The following DLL4 variants were observed in gnomAD, a reference collection of about 807,000 sequenced individuals.
The protein encoded by DLL4 is delta-like protein 4.
DLL4 carries 7 observed loss-of-function variants against 73.6 expected under a neutral mutation model. The observed-to-expected ratio is 0.10, with a 90% CI of 0.05 to 0.18. DLL4 has a LOEUF of 0.18. DLL4 is among the 10% of genes least tolerant of loss of function. The pLI is 1.00. For synonymous variants in DLL4, 345 were observed against 374.3 expected, an observed-to-expected ratio of 0.92 and a Z score of 0.90; for missense variants, 614 against 929.9, an observed-to-expected ratio of 0.66 and a Z score of 4.42.
In DLL4 at chr15:40,933,268, T is replaced by TTGTGTGTGTGTGTTTGTG. The variant is rs1555392986; in HGVS notation, c.850+834_850+835insTTGTGTGTGTGTGTGTGT. Among the ~76,000 whole-genome samples the TTGTGTGTGTGTGTTTGTG allele has an allele frequency of 4.1e-5, 6 of 147,342 alleles. No homozygotes were observed. In the East Asian group the frequency reaches 1.2e-3, roughly 30 times the overall value. On this transcript the variant is annotated intron_variant, in intron 6 of 10. Coordinates refer to ENST00000249749, the MANE Select transcript of DLL4 (RefSeq NM_019074.4). ...AGGGGCTTGGGATTCAGTCCCTGTG[T>TTGTGTGTGTGTGTTTGTG]TGTGTGTGTGTGTGTGTGTGTGTGT...
At chr15:40,931,098 C>G (rs1214598886) in intron 3 of DLL4, 3 of 373,966 alleles carry the variant, frequency 8.0e-6, no homozygotes, top group Non-Finnish European at 1.5e-5. Context: ...CATTACCCAC[C>G]TCTGGAGGCA....
At chr15:40,934,413 A>G in intron 6 of DLL4, 135 bp from the exon 7 acceptor site, 2 of 683,412 alleles carry the variant, frequency 2.9e-6, no homozygotes, top group Middle Eastern at 3.5e-4. Flanking sequence ...GTGGTGGAGG[A>G]AGGATGTTTG....
At position 40,930,417 on chromosome 15, in the gene DLL4, C is replaced by T; in HGVS notation, c.337-208C>T. The stretch of plus-strand genomic sequence containing the variant: ...TCCTCCAGTGGCTCTCCCTTACACT[C>T]TCCCGTCTCTCAACCCTCCCTCTAC... On this transcript the variant is annotated intron_variant, in intron 2 of 10. Transcript: ENST00000249749. This position sits in a 1 kb window ranked among gnomAD's most constrained non-coding sequence, Gnocchi z 5.7. 1.6e-6 allele frequency: 1 copy of T among 644,460 alleles called. No homozygotes were observed. The highest frequency in any genetic ancestry group is 2.8e-6 in the Non-Finnish European group (1 of 357,120). 39.9% of individuals were successfully genotyped at this position (644,460 alleles called of 1,614,324 possible). A position where few individuals can be genotyped will look rare whatever the true frequency, so the allele number is the denominator to read the frequency against.
Position 40,930,997 on chromosome 15 carries a change from G to C in DLL4, c.394+315G>C, listed in dbSNP as rs530969265. ...CGCGAATTCCGCTCCTTTGGAAAGG[G>C]AATAATGGCTTTGGGATGTTGTTCT... On this transcript the variant is annotated intron_variant, in intron 3 of 10. Transcript: ENST00000249749. This position sits in a 1 kb window ranked among gnomAD's most constrained non-coding sequence, Gnocchi z 5.7. 2.0e-6 allele frequency: 1 copy of C among 499,132 alleles called. No individual in the cohort carries two copies. The highest frequency in any genetic ancestry group is 1.9e-5 in the African/African-American group (1 of 51,674). The allele number at this position is 499,132 out of a possible 1,614,324, so 30.9% of individuals were successfully genotyped here. A position where few individuals can be genotyped will look rare whatever the true frequency, so the allele number is the denominator to read the frequency against.
rs573941360 is a variant in DLL4 at position 40,930,258 on chromosome 15, C to G, written c.336+142C>G. 4.8e-6 allele frequency: 5 copies of G among 1,049,122 alleles called. No homozygotes were observed. In the East Asian group the frequency reaches 1.0e-4, roughly 22 times the overall value. The allele number at this position is 1,049,122 out of a possible 1,614,324, so 65.0% of individuals were successfully genotyped here. A position where few individuals can be genotyped will look rare whatever the true frequency, so the allele number is the denominator to read the frequency against. ...GGATGCATTCTTTCCTGGCTCTTCC[C>G]GACTCTCTCCTGAGACTGATCCCAG... is the stretch of plus-strand genomic sequence containing the variant. On this transcript the variant is annotated intron_variant, in intron 2 of 10. Coordinates refer to ENST00000249749, the MANE Select transcript of DLL4 (RefSeq NM_019074.4). The surrounding 1 kb of genome is among the most constrained non-coding windows in gnomAD (Gnocchi z 5.7).
chr15:40,930,970 T>G lies in DLL4; in HGVS notation c.394+288T>G, dbSNP rs1892761577. On this transcript the variant is annotated intron_variant, in intron 3 of 10. Coordinates refer to ENST00000249749, the MANE Select transcript of DLL4 (RefSeq NM_019074.4). The surrounding 1 kb of genome is among the most constrained non-coding windows in gnomAD (Gnocchi z 5.7). ...GGGCCCCTTCCTGTATTTTACACCTTTCGCGAATTCCGCTCCTTTGGAAAG... is the reference window on the plus strand; with the variant it reads ...GGGCCCCTTCCTGTATTTTACACCTGTCGCGAATTCCGCTCCTTTGGAAAG... The G allele has an allele frequency of 1.9e-6, 1 of 536,880 alleles. No homozygotes were observed. Among genetic ancestry groups the G allele is most frequent in the Non-Finnish European group, 3.3e-6 (1 of 302,510 alleles). The allele number at this position is 536,880 out of a possible 1,614,324, so 33.3% of individuals were successfully genotyped here.
chr15:40,938,930 TTTG>T lies in DLL4; in HGVS notation c.*899_*901del, dbSNP rs1174897539. ...AGAAATCAATAATATGAGTTTTTAT[TTTG>T]TTTTTTTTTTTTTTTTTGTAGTTTA... On this transcript the variant is annotated 3_prime_UTR_variant, in exon 11 of 11. Transcript: ENST00000249749. 1.6e-5 allele frequency: 2 copies of T among 123,596 alleles called. No individual in the cohort carries two copies. Among genetic ancestry groups the T allele is most frequent in the African/African-American group, 6.3e-5 (2 of 31,624 alleles). The allele number at this position is 123,596 out of a possible 1,614,324, so 7.7% of individuals were successfully genotyped here.
chr15:40,930,513 G>A lies in DLL4; in HGVS notation c.337-112G>A. 1 of 881,006 alleles carries A rather than the reference G, an allele frequency of 1.1e-6. No individual in the cohort carries two copies. The highest frequency in any genetic ancestry group is 1.8e-6 in the Non-Finnish European group (1 of 541,698). 54.6% of individuals were successfully genotyped at this position (881,006 alleles called of 1,614,324 possible). ...ACAGCCCCGTTATGTTGACCCGGGCGCAGTAACTGAATCCTGCAATTAGAT... is the reference window on the plus strand; with the variant it reads ...ACAGCCCCGTTATGTTGACCCGGGCACAGTAACTGAATCCTGCAATTAGAT... On this transcript the variant is annotated intron_variant, in intron 2 of 10. Transcript: ENST00000249749. The surrounding 1 kb of genome is among the most constrained non-coding windows in gnomAD (Gnocchi z 5.7).
Position 40,936,371 on chromosome 15 carries a change from C to T in DLL4, c.1384C>T (p.Leu462Phe), listed in dbSNP as rs768173236. 4.3e-6 allele frequency: 7 copies of T among 1,611,468 alleles called. No individual in the cohort carries two copies. The highest frequency in any genetic ancestry group is 2.2e-5 in the South Asian group (2 of 90,682). ...CACTTGCCATGACCTGGAGAATGGG[C>T]TCATGTGCACCTGCCCTGCCGGCTT... ...GGTCHDLENG[L>F]MCTCPAGFSG... Residue 462 changes from leucine (L) to phenylalanine (F), a missense_variant, in exon 9 of 11, where the codon CTC (leucine) becomes TTC (phenylalanine). Transcript: ENST00000249749.
chr15:40,931,859 G>C, intron 4 of DLL4, 93 bp downstream of exon 4: 1 of 1,498,004 alleles, frequency 6.7e-7, no homozygotes, highest in Non-Finnish European at 9.0e-7. Context: ...CCCTTGAAGA[G>C]TGGGTCTGGG....
chr15:40,937,709 G>GGCAA (rs1892864847), intron 10 of DLL4, among the ~76,000 whole-genome samples, 183 bp downstream of exon 10: 1 of 152,192 alleles, frequency 6.6e-6, no homozygotes, highest in Non-Finnish European at 1.5e-5. Flanking sequence ...GAACCATGGC[G>GGCAA]GCAAGCCTGG....
rs1267396345 is a variant in DLL4, at chr15:40,936,734, G to A, written c.1747G>A (p.Ala583Thr). Residue 583 changes from alanine to threonine, a missense_variant, in exon 9 of 11, where the codon GCC (alanine) becomes ACC (threonine). Physicochemically the swap from Ala to Thr is moderately conservative, Grantham distance 58. Transcript: ENST00000249749. ...CCAGAAGGACAACCTGATTCCTGCC[G>A]CCCAGCTTAAAAACACAAACCAGAA... Reference protein sequence around the residue: ...DFQKDNLIPAAQLKNTNQKKE... With the variant: ...DFQKDNLIPATQLKNTNQKKE... The A allele has an allele frequency of 8.7e-6, 14 of 1,613,854 alleles. No individual in the cohort carries two copies. The highest frequency in any genetic ancestry group is 6.7e-5 in the Admixed American group (4 of 60,028).
chr15:40,931,648 T>C lies in DLL4; in HGVS notation c.540T>C (p.Tyr180=), dbSNP rs757187274. The part of the protein sequence containing the change: ...SYRVICSDNY[Y]GDNCSRLCKK... The stretch of plus-strand genomic sequence containing the variant: ...GGGTCATCTGCAGTGACAACTACTA[T>C]GGAGACAACTGCTCCCGCCTGTGCA... The change falls in exon 4 of 11, where the codon TAT becomes TAC. Residue 180 remains tyrosine (Y), a synonymous_variant. Transcript: ENST00000249749. The C allele has an allele frequency of 1.9e-6, 3 of 1,612,924 alleles. No individual in the cohort carries two copies. Among genetic ancestry groups the C allele is most frequent in the African/African-American group, 1.3e-5 (1 of 74,902 alleles).
At chr15:40,932,572 C>G in intron 6 of DLL4, 125 bp downstream of exon 6, 4 of 1,277,378 alleles carry the variant, frequency 3.1e-6, no homozygotes, top group Non-Finnish European at 3.3e-6. Flanking sequence ...CATGATCTTC[C>G]AAGGATCTTG....
chr15:40,936,883 C>T lies in DLL4; in HGVS notation c.1896C>T (p.Pro632=). The T allele has an allele frequency of 5.0e-6, 8 of 1,612,702 alleles. No homozygotes were observed. The highest frequency in any genetic ancestry group is 1.1e-5 in the South Asian group (1 of 91,044). The change falls in exon 9 of 11, where the codon CCC becomes CCT. Residue 632 remains proline, a synonymous_variant. Transcript: ENST00000249749. Reference sequence around the variant, plus strand: ...GGGGGACCATGCCAGGAAAGTTTCCCCACAGTGACAAGAGCTTAGGAGAGA... The same window carrying T: ...GGGGGACCATGCCAGGAAAGTTTCCTCACAGTGACAAGAGCTTAGGAGAGA... ...LGRGTMPGKF[P]HSDKSLGEKA...
At chr15:40,937,990 C>G in intron 10 of DLL4, 39 bp from the exon 11 acceptor site, 1 of 1,601,160 alleles carries the variant, frequency 6.2e-7, no homozygotes, top group Non-Finnish European at 8.5e-7. Context: ...GTGCGCATGC[C>G]CAGGGTAACC....
rs751723269 is a variant in DLL4, at chr15:40,938,071, C to T, written c.*37C>T. Reference sequence around the variant, plus strand: ...ACCTGGACATCCCTGCTCAGCCCCGCGGCTGGACCTTCCTTCTGCATTGTT... The same window carrying T: ...ACCTGGACATCCCTGCTCAGCCCCGTGGCTGGACCTTCCTTCTGCATTGTT... On this transcript the variant is annotated 3_prime_UTR_variant, in exon 11 of 11. Transcript: ENST00000249749. The T allele has an allele frequency of 1.2e-5, 19 of 1,523,108 alleles. No homozygotes were observed. Among genetic ancestry groups the T allele is most frequent in the Middle Eastern group, 1.8e-4 (1 of 5,694 alleles). The allele number at this position is 1,523,108 out of a possible 1,614,324, so 94.3% of individuals were successfully genotyped here. A position where few individuals can be genotyped will look rare whatever the true frequency, so the allele number is the denominator to read the frequency against.
chr15:40,930,840 G>C lies in DLL4; in HGVS notation c.394+158G>C. ...CGCGCTGGACGCTCGGATTCCGCTC[G>C]CTGCCTGGACTCAGAGCACAATTGC... On this transcript the variant is annotated intron_variant, in intron 3 of 10. Transcript: ENST00000249749. The surrounding 1 kb of genome is among the most constrained non-coding windows in gnomAD (Gnocchi z 5.7). The C allele has an allele frequency of 1.4e-6, 1 of 726,582 alleles. No homozygotes were observed. The highest frequency in any genetic ancestry group is 2.3e-6 in the Non-Finnish European group (1 of 438,210). The allele number at this position is 726,582 out of a possible 1,614,324, so 45.0% of individuals were successfully genotyped here.
chr15:40,932,064 G>A (rs1892778089), intron 4 of DLL4, 107 bp from the exon 5 acceptor site: 1 of 1,345,704 alleles, frequency 7.4e-7, no homozygotes, highest in Non-Finnish European at 1.0e-6. Context: ...GCCAGGAGTA[G>A]GAAGAGGGCC....
Sources: gnomAD v4.1 joint callset for allele counts (sites outside exome capture counted in the v4.1 genomes callset) on GRCh38, gnomAD v4.1.1 for gene constraint, Gnocchi (gnomAD v3.1) non-coding constraint, MANE v1.5 for transcripts, NCBI Gene and HGNC (gene_info 2026-07-23, HGNC 2026-07-21) for gene names.